DIPK1A: variants seen among roughly 807,000 people sequenced by gnomAD.
DIPK1A encodes the protein divergent protein kinase domain 1A.
A neutral mutation model predicts 40.8 loss-of-function variants in DIPK1A; 27 were observed. That is an observed-to-expected ratio of 0.66 (90% CI 0.49 to 0.91). The LOEUF is 0.91. Among genes scored for constraint, DIPK1A ranks in the 40% least tolerant of loss-of-function variants. DIPK1A has a pLI of 0.00. For missense variants in DIPK1A, 412 were observed against 505.7 expected (o/e 0.81, Z 1.78); for synonymous variants, 166 against 171.3 (o/e 0.97, Z 0.24).
chr1:92,928,525 G>A (rs1269857932), intron 1 of DIPK1A, among the ~76,000 whole-genome samples: 1 of 152,138 alleles, frequency 6.6e-6, no homozygotes, highest in East Asian at 1.9e-4. Context: ...CATTTCCAGT[G>A]TTATTTCTAG....
intron 2 of DIPK1A, among the ~76,000 whole-genome samples, chr1:92,875,931 G>A (rs1418671683): frequency 2.0e-5 from 3 of 151,424 alleles, no homozygotes; most frequent in Non-Finnish European, 4.4e-5. Context: ...AGTAAAAGAT[G>A]TGTTCTAGAA....
At chr1:92,865,041 CAAAAAAAAAAAA>C (rs56735279) in intron 2 of DIPK1A, among the ~76,000 whole-genome samples, 1 of 70,442 alleles carries the variant, frequency 1.4e-5, no homozygotes, top group Non-Finnish European at 2.5e-5. Context: ...GACTCCGTCT[CAAAAAAAAAAAA>C]AAAAAAAAAG....
chr1:92,845,544 A>G, intron 4 of DIPK1A: 1 of 360,172 alleles, frequency 2.8e-6, no homozygotes, highest in Admixed American at 3.7e-5. Flanking sequence ...CTCTGCTGAA[A>G]AAAAAAAAAA....
chr1:92,941,497 T>C (rs1175419947), intron 1 of DIPK1A, among the ~76,000 whole-genome samples: 3 of 152,218 alleles, frequency 2.0e-5, no homozygotes, highest in Non-Finnish European at 1.5e-5. Flanking sequence ...AAAAAACTGT[T>C]ATCTAGTCAT....
intron 1 of DIPK1A, among the ~76,000 whole-genome samples, chr1:92,919,631 T>C (rs1650197442): frequency 6.6e-6 from 1 of 152,194 alleles, no homozygotes; most frequent in Non-Finnish European, 1.5e-5. Context: ...GAGTATACTA[T>C]GCTATAATTA....
intron 1 of DIPK1A, among the ~76,000 whole-genome samples, chr1:92,944,272 A>G (rs1428856809): frequency 6.6e-6 from 1 of 152,188 alleles, no homozygotes; most frequent in Non-Finnish European, 1.5e-5. Flanking sequence ...TAGAAGGAAG[A>G]AACAGAGGAA....
At chr1:92,863,517 G>A (rs1328365756) in intron 2 of DIPK1A, among the ~76,000 whole-genome samples, 1 of 122,452 alleles carries the variant, frequency 8.2e-6, no homozygotes. Flanking sequence ...GAAATCAATT[G>A]AAGCTAAGAG....
chr1:92,950,072 T>G (rs936335410), intron 1 of DIPK1A, among the ~76,000 whole-genome samples: 28 of 152,000 alleles, frequency 1.8e-4, no homozygotes, highest in African/African-American at 5.8e-4. Flanking sequence ...GCACTCGCAG[T>G]TTGGGTCACA....
intron 1 of DIPK1A, among the ~76,000 whole-genome samples, chr1:92,953,413 C>CA (rs746260436): frequency 1.6e-3 from 241 of 152,026 alleles, no homozygotes; most frequent in Non-Finnish European, 2.4e-3. Context: ...TCTGGATATA[C>CA]AAAAAAATTG....
chr1:92,888,831 TC>T (rs1648725784), intron 1 of DIPK1A, among the ~76,000 whole-genome samples: 1 of 152,222 alleles, frequency 6.6e-6, no homozygotes, highest in Non-Finnish European at 1.5e-5. Flanking sequence ...ATGTGTCCAT[TC>T]AGCTCATTTG....
At chr1:92,833,265 C>A in intron 4 of DIPK1A, 2 of 803,000 alleles carry the variant, frequency 2.5e-6, no homozygotes, top group Non-Finnish European at 2.1e-6. Context: ...ACCTGGGATT[C>A]TACAAGTGAC....
rs1647990745 is a variant in DIPK1A, at chr1:92,873,821, C to T, written c.189+2475G>A. ...CAAATTCCTGGATTTAAGGGATCCT[C>T]CCACCTCAGCCTCTCAAGTAGGTGG... On this transcript the variant is annotated intron_variant, in intron 2 of 4. Transcript: ENST00000370310. Among the ~76,000 whole-genome samples, 10 of 152,252 alleles carry T rather than the reference C, an allele frequency of 6.6e-5. No homozygotes were observed. The South Asian group carries it at 2.1e-3, about 32-fold the overall frequency.
chr1:92,850,971 T>A lies in DIPK1A; in HGVS notation c.190-16A>T. On this transcript the variant is annotated splice_polypyrimidine_tract_variant and intron_variant, in intron 2 of 4. Transcript: ENST00000370310. ...ACTTGTCACACTAAAAACCAGGAAATAAAAAAGTAGTTAATAGAAAAATAT... is the reference window on the plus strand; with the variant it reads ...ACTTGTCACACTAAAAACCAGGAAAAAAAAAAGTAGTTAATAGAAAAATAT... 1 of 1,471,670 alleles carries A rather than the reference T, an allele frequency of 6.8e-7. No individual in the cohort carries two copies. Among genetic ancestry groups the A allele is most frequent in the African/African-American group, 1.4e-5 (1 of 70,742 alleles). The allele number at this position is 1,471,670 out of a possible 1,614,324, so 91.2% of individuals were successfully genotyped here. A position where few individuals can be genotyped will look rare whatever the true frequency, so the allele number is the denominator to read the frequency against.
intron 2 of DIPK1A, among the ~76,000 whole-genome samples, chr1:92,852,820 G>C (rs1256802090): frequency 6.6e-6 from 1 of 152,122 alleles, no homozygotes; most frequent in Non-Finnish European, 1.5e-5. Flanking sequence ...CAGGCAGATC[G>C]CTTGAGCTCA....
chr1:92,905,618 T>TAGAATCAAG (rs1405451408), intron 1 of DIPK1A, among the ~76,000 whole-genome samples: 2 of 152,156 alleles, frequency 1.3e-5, no homozygotes, highest in East Asian at 3.9e-4. Flanking sequence ...GCAGAAGCTT[T>TAGAATCAAG]TTAACTTGAC....
At chr1:92,895,397 C>G (rs1259793563) in intron 1 of DIPK1A, among the ~76,000 whole-genome samples, 1 of 152,066 alleles carries the variant, frequency 6.6e-6, no homozygotes, top group Non-Finnish European at 1.5e-5. Flanking sequence ...GAACCAATGA[C>G]AAAAACCACA....
chr1:92,847,132 C>A, intron 4 of DIPK1A, 51 bp downstream of exon 4: 1 of 1,232,818 alleles, frequency 8.1e-7, no homozygotes, highest in South Asian at 1.8e-5. Flanking sequence ...CCTGCCAATT[C>A]CTCTAAAGAG....
rs377503070 is a variant in DIPK1A, at chr1:92,944,598, C to T, written c.54+16778G>A. Reference sequence around the variant, plus strand: ...CAGAATTCTACACTGAGCCCAACTACGAACAAGTACCAGGGTACAATAAAG... The same window carrying T: ...CAGAATTCTACACTGAGCCCAACTATGAACAAGTACCAGGGTACAATAAAG... On this transcript the variant is annotated intron_variant, in intron 1 of 4. Coordinates refer to ENST00000370310, the MANE Select transcript of DIPK1A (RefSeq NM_001006605.5). 4.6e-5 allele frequency among the ~76,000 whole-genome samples: 7 copies of T among 152,158 alleles called. No individual in the cohort carries two copies. The East Asian group carries it at 1.2e-3, about 25-fold the overall frequency.
chr1:92,877,164 T>C, intron 1 of DIPK1A: 2 of 985,152 alleles, frequency 2.0e-6, no homozygotes, highest in Non-Finnish European at 1.2e-6. Context: ...TTGTTTCCAG[T>C]GCTCTTGTAT....
Sources: gnomAD v4.1 joint callset for allele counts (sites outside exome capture counted in the v4.1 genomes callset) on GRCh38, gnomAD v4.1.1 for gene constraint, MANE v1.5 for transcripts, NCBI Gene and HGNC (gene_info 2026-07-23, HGNC 2026-07-21) for gene names.